The following MRTFB variants were observed in gnomAD, a reference collection of about 807,000 sequenced individuals.
MRTFB encodes the protein myocardin-related transcription factor B.
A neutral mutation model predicts 104.2 loss-of-function variants in MRTFB; 29 were observed. The observed-to-expected ratio is 0.28, with a 90% confidence interval of 0.21 to 0.38. MRTFB has a LOEUF of 0.38. Ranked by LOEUF, MRTFB falls within the 10% of genes least tolerant of loss-of-function variation. MRTFB has a pLI of 1.00. For missense variants in MRTFB, 1,270 were observed against 1,341.6 expected (o/e 0.95, Z 0.83); for synonymous variants, 535 against 519.5 (o/e 1.03, Z -0.41).
chr16:14,020,794 C>G, the MRTFB span: 1 of 152,416 alleles, frequency 6.6e-6, no homozygotes, highest in Non-Finnish European at 1.5e-5. Flanking sequence ...TGTCTCCTAT[C>G]TGGAGCTTCC....
At chr16:14,123,088 T>C (rs1392361678) in intron 2 of MRTFB, among the ~76,000 whole-genome samples, 3 of 152,252 alleles carry the variant, frequency 2.0e-5, no homozygotes, top group Non-Finnish European at 4.4e-5. Context: ...ATAAATATCT[T>C]CTTTTGAGAA....
the MRTFB span, among the ~76,000 whole-genome samples, chr16:14,023,057 T>A: frequency 6.6e-6 from 1 of 152,108 alleles, no homozygotes; most frequent in African/African-American, 2.4e-5. Context: ...TTTTATTTGC[T>A]CTTATGTTGT....
At chr16:14,035,237 A>G in the MRTFB span, among the ~76,000 whole-genome samples, 5 of 152,174 alleles carry the variant, frequency 3.3e-5, no homozygotes, top group Non-Finnish European at 7.4e-5. Context: ...TCCCTTTCCT[A>G]TAAATCAGGG....
At chr16:14,071,638 A>G (rs1042224595) in intron 1 of MRTFB, among the ~76,000 whole-genome samples, 1 of 151,902 alleles carries the variant, frequency 6.6e-6, no homozygotes, top group African/African-American at 2.4e-5. Flanking sequence ...TCTCGACTGC[A>G]GAGTTGGCCC....
At chr16:14,067,065 G>A (rs966204905), upstream of MRTFB, among the ~76,000 whole-genome samples, 6 of 152,242 alleles carry the variant, frequency 3.9e-5, no homozygotes, top group Admixed American at 1.3e-4. Flanking sequence ...ACTTCCACAG[G>A]TCCACAGGGA....
chr16:14,158,292 C>T (rs1261893541), intron 3 of MRTFB, among the ~76,000 whole-genome samples: 2 of 152,200 alleles, frequency 1.3e-5, no homozygotes, highest in Non-Finnish European at 2.9e-5. Flanking sequence ...CTTGCTTACA[C>T]GGTAGGCCTA....
the MRTFB span, among the ~76,000 whole-genome samples, chr16:14,052,232 A>C: frequency 1.3e-5 from 2 of 152,198 alleles, no homozygotes; most frequent in Non-Finnish European, 2.9e-5. Flanking sequence ...TCATGGTGGC[A>C]GTGGTGGTAT....
chr16:13,995,258 T>A, the MRTFB span, among the ~76,000 whole-genome samples: 1 of 152,082 alleles, frequency 6.6e-6, no homozygotes, highest in Non-Finnish European at 1.5e-5. Context: ...GAAACTGGGG[T>A]CAGGTTATCT....
chr16:14,054,040 C>T, the MRTFB span, among the ~76,000 whole-genome samples: 3 of 152,058 alleles, frequency 2.0e-5, no homozygotes, highest in African/African-American at 4.8e-5. Flanking sequence ...TACTGTTTGA[C>T]GAGTCTATTC....
intron 9 of MRTFB, among the ~76,000 whole-genome samples, chr16:14,239,530 G>A (rs1201531511): frequency 6.6e-6 from 1 of 152,096 alleles, no homozygotes; most frequent in Admixed American, 6.5e-5. Flanking sequence ...TTGTTTGTTT[G>A]GATGGGTTTT....
intron 6 of MRTFB, among the ~76,000 whole-genome samples, chr16:14,215,936 T>C (rs1328659847): frequency 6.6e-6 from 1 of 152,276 alleles, no homozygotes. Context: ...AATTTGACAG[T>C]GATTTTTTAA....
chr16:14,210,108 GC>G (rs1340509859), intron 3 of MRTFB, 134 bp from the exon 4 acceptor site: 1 of 574,750 alleles, frequency 1.7e-6, no homozygotes, highest in African/African-American at 1.9e-5. Context: ...CTTACGTGGT[GC>G]CAGGTAATAT....
At chr16:14,023,580 TACACACAC>T in the MRTFB span, among the ~76,000 whole-genome samples, 1 of 94,018 alleles carries the variant, frequency 1.1e-5, no homozygotes, top group East Asian at 2.7e-4. Context: ...CAAGGGCAGA[TACACACAC>T]ACACACACAC....
At chr16:14,071,667 C>T (rs2033704349) in intron 1 of MRTFB, among the ~76,000 whole-genome samples, 1 of 152,094 alleles carries the variant, frequency 6.6e-6, no homozygotes, top group South Asian at 2.1e-4. Flanking sequence ...GTGGCAGCGG[C>T]GTTTATGGAG....
rs1014580725 is a variant in MRTFB, at chr16:14,261,693, A to G, written c.*249A>G. The stretch of plus-strand genomic sequence containing the variant: ...CGCACTTGTCAAAGACGACTCATCT[A>G]TTTCTCCAGACTTCAGTAAAGAATG... On this transcript the variant is annotated 3_prime_UTR_variant, in exon 17 of 17. Transcript: ENST00000571589. The G allele has an allele frequency of 4.2e-5, 18 of 432,720 alleles. No individual in the cohort carries two copies. The highest frequency in any genetic ancestry group is 1.1e-4 in the South Asian group (2 of 17,536). The allele number at this position is 432,720 out of a possible 1,614,324, so 26.8% of individuals were successfully genotyped here.
At chr16:14,224,090 A>AGAGC (rs200126854) in intron 8 of MRTFB, among the ~76,000 whole-genome samples, 3,132 of 152,234 alleles carry the variant, frequency 0.021, 109 homozygotes, top group African/African-American at 0.071. Context: ...ACAGCAGGAG[A>AGAGC]GAGCGAGCGA....
intron 8 of MRTFB, among the ~76,000 whole-genome samples, chr16:14,221,862 A>C (rs2041734036): frequency 7.0e-6 from 1 of 143,436 alleles, no homozygotes; most frequent in Non-Finnish European, 1.5e-5. Flanking sequence ...GCTTACTACA[A>C]CCTCTGCCTC....
At chr16:14,191,494 T>C (rs2040182033) in intron 3 of MRTFB, among the ~76,000 whole-genome samples, 1 of 152,246 alleles carries the variant, frequency 6.6e-6, no homozygotes, top group African/African-American at 2.4e-5. Flanking sequence ...TATGCTAGTG[T>C]AATATAGAGC....
intron 2 of MRTFB, among the ~76,000 whole-genome samples, chr16:14,111,383 T>C (rs770014236): frequency 1.3e-5 from 2 of 150,960 alleles, no homozygotes; most frequent in Non-Finnish European, 2.9e-5. Flanking sequence ...GCCAAGCTCA[T>C]CTGCTCAGTG....
Sources: gnomAD v4.1 joint callset for allele counts (sites outside exome capture counted in the v4.1 genomes callset) on GRCh38, gnomAD v4.1.1 for gene constraint, MANE v1.5 for transcripts, NCBI Gene and HGNC (gene_info 2026-07-23, HGNC 2026-07-21) for gene names.